The following HLF variants were observed in gnomAD, a reference collection of about 807,000 sequenced individuals.
HLF encodes the protein HLF transcription factor, PAR bZIP family member, also known as hepatic leukemia factor.
A neutral mutation model predicts 22.6 loss-of-function variants in HLF; 3 were observed. The ratio of observed to expected loss-of-function variants is 0.13; its 90% CI spans 0.06 to 0.34. The LOEUF (loss-of-function observed/expected upper bound fraction) is 0.34. Among genes scored for constraint, HLF ranks in the 10% least tolerant of loss-of-function variants. The pLI, the probability that HLF is intolerant of heterozygous loss-of-function variation, is 1.00. For synonymous variants in HLF, 151 were observed against 151.8 expected (o/e 0.99, Z 0.04); for missense variants, 299 against 389.2 (o/e 0.77, Z 1.95).
intron 1 of HLF, 106 bp from the exon 2 acceptor site, chr17:55,267,645 A>G: frequency 4.0e-6 from 3 of 752,092 alleles, no homozygotes; most frequent in South Asian, 2.0e-5. Flanking sequence ...GGACCCTGCC[A>G]TTCGTGAGAA....
intron 2 of HLF, chr17:55,271,439 C>A (rs1485732824): frequency 6.6e-6 from 1 of 152,172 alleles, no homozygotes; most frequent in African/African-American, 2.4e-5. Context: ...AAACCATGAG[C>A]TGATAAAGTA....
chr17:55,280,370 T>C (rs1246501793), intron 2 of HLF, among the ~76,000 whole-genome samples: 1 of 152,228 alleles, frequency 6.6e-6, no homozygotes, highest in East Asian at 1.9e-4. Flanking sequence ...CACCCTAGCA[T>C]GTCACAGTGT....
At chr17:55,304,672 C>T (rs1362030376) in intron 2 of HLF, among the ~76,000 whole-genome samples, 2 of 152,182 alleles carry the variant, frequency 1.3e-5, no homozygotes, top group Non-Finnish European at 2.9e-5. Context: ...CACTGGGTGA[C>T]ATCTAACAGG....
chr17:55,266,804 G>T (rs1334100588), intron 1 of HLF: 1 of 984,884 alleles, frequency 1.0e-6, no homozygotes, highest in Admixed American at 6.1e-5. Flanking sequence ...TACTAGAATT[G>T]GCAAGATCCG....
Position 55,267,779 on chromosome 17 carries a change from G to T in HLF, c.144G>T (p.Lys48Asn), listed in dbSNP as rs368847041. 1.7e-4 allele frequency: 273 copies of T among 1,591,062 alleles called. No individual in the cohort carries two copies. The highest frequency in any genetic ancestry group is 2.3e-4 in the Non-Finnish European group (265 of 1,163,320). Residue 48 changes from lysine to asparagine, a missense_variant, in exon 2 of 4, where the codon AAG becomes AAT. Physicochemically the swap from Lys to Asn is moderately conservative, Grantham distance 94. Transcript: ENST00000226067. ...TTAGTAAAGATAAAGACAAGGAAAA[G>T]AAGCTGGATGATGAGAGTAACAGCC... The part of the protein sequence containing the change: ...DAFSKDKDKE[K>N]KLDDESNSPT...
chr17:55,301,476 A>G (rs1312330496), intron 2 of HLF, among the ~76,000 whole-genome samples: 1 of 152,260 alleles, frequency 6.6e-6, no homozygotes, highest in Admixed American at 6.5e-5. Context: ...TAAAAAAATT[A>G]TCAGTATAGA....
At chr17:55,267,336 C>T (rs2080801659) in intron 1 of HLF, among the ~76,000 whole-genome samples, 1 of 152,186 alleles carries the variant, frequency 6.6e-6, no homozygotes, top group Non-Finnish European at 1.5e-5. Flanking sequence ...CCTATTGCTG[C>T]TGTGATGAAT....
intron 2 of HLF, among the ~76,000 whole-genome samples, chr17:55,284,995 G>A (rs750262584): frequency 1.6e-4 from 25 of 152,148 alleles, no homozygotes; most frequent in Non-Finnish European, 3.4e-4. Context: ...TGGAGACCAA[G>A]ACCACTGAAG....
At position 55,265,230 on chromosome 17, in the gene HLF, G is replaced by T. The variant is rs2145284778; in HGVS notation, c.-255G>T. 2.7e-6 allele frequency: 1 copy of T among 368,610 alleles called. No homozygotes were observed. The highest frequency in any genetic ancestry group is 4.8e-6 in the Non-Finnish European group (1 of 209,068). 22.8% of individuals were successfully genotyped at this position (368,610 alleles called of 1,614,324 possible). A position where few individuals can be genotyped will look rare whatever the true frequency, so the allele number is the denominator to read the frequency against. On this transcript the variant is annotated 5_prime_UTR_variant, in exon 1 of 4. Transcript: ENST00000226067. ...GGCAGGTGAGAGCATCCTGCACGTC[G>T]CCGGGGAGCCCGCGGGCACTTGGCG... is the stretch of plus-strand genomic sequence containing the variant.
At chr17:55,274,357 G>A (rs2080886015) in intron 2 of HLF, among the ~76,000 whole-genome samples, 2 of 152,200 alleles carry the variant, frequency 1.3e-5, no homozygotes, top group Admixed American at 1.3e-4. Flanking sequence ...CAGGGCCTGT[G>A]TTTGATTCTG....
intron 2 of HLF, among the ~76,000 whole-genome samples, chr17:55,289,848 C>T (rs1053765236): frequency 3.9e-5 from 6 of 152,092 alleles, no homozygotes. Flanking sequence ...TTTCTCAGCT[C>T]TTAATCCTTC....
intron 2 of HLF, among the ~76,000 whole-genome samples, chr17:55,288,659 A>G (rs957256133): frequency 6.6e-6 from 1 of 151,588 alleles, no homozygotes; most frequent in African/African-American, 2.4e-5. Flanking sequence ...GGGAGGCTGA[A>G]GTGGGAGGAT....
chr17:55,265,356 C>A lies in HLF; in HGVS notation c.-129C>A. On this transcript the variant is annotated 5_prime_UTR_variant, in exon 1 of 4. Transcript: ENST00000226067. ...AAAGATATAAGTAATTTTTTTCTTC[C>A]CTTTTCTCCACCGCCTTGAGAGCGA... is the stretch of plus-strand genomic sequence containing the variant. The A allele has an allele frequency of 1.6e-6, 1 of 611,736 alleles. No individual in the cohort carries two copies. Among genetic ancestry groups the A allele is most frequent in the Non-Finnish European group, 2.9e-6 (1 of 346,726 alleles). 37.9% of individuals were successfully genotyped at this position (611,736 alleles called of 1,614,324 possible).
chr17:55,265,623 C>A, intron 1 of HLF, 24 bp downstream of exon 1: 1 of 1,519,192 alleles, frequency 6.6e-7, no homozygotes, highest in Non-Finnish European at 9.0e-7. Flanking sequence ...CGGCCCCGCT[C>A]CGGGAAGGGA....
intron 2 of HLF, among the ~76,000 whole-genome samples, chr17:55,268,968 G>A (rs1481862102): frequency 6.6e-6 from 1 of 152,148 alleles, no homozygotes; most frequent in African/African-American, 2.4e-5. Context: ...GAAGAAAGAC[G>A]ATTTCATGTG....
At chr17:55,280,259 C>T (rs1227490003) in intron 2 of HLF, among the ~76,000 whole-genome samples, 1 of 152,174 alleles carries the variant, frequency 6.6e-6, no homozygotes, top group Non-Finnish European at 1.5e-5. Context: ...TGAGTTATTG[C>T]AGGGAAGAAA....
rs1463121922 is a variant in HLF at position 55,265,003 on chromosome 17, G to A, written c.-482G>A. The A allele has an allele frequency of 2.5e-5, 4 of 158,396 alleles. No homozygotes were observed. In the East Asian group the frequency reaches 5.2e-4, roughly 21 times the overall value. The allele number at this position is 158,396 out of a possible 1,614,324, so 9.8% of individuals were successfully genotyped here. A position where few individuals can be genotyped will look rare whatever the true frequency, so the allele number is the denominator to read the frequency against. On this transcript the variant is annotated 5_prime_UTR_variant, in exon 1 of 4. Transcript: ENST00000226067. ...GCACATGGGCGGCCGGATGCGCTGAGCCCGGCGCTGCGGGGCCGCGGAGCG... is the reference window on the plus strand; with the variant it reads ...GCACATGGGCGGCCGGATGCGCTGAACCCGGCGCTGCGGGGCCGCGGAGCG...
rs1445009901 is a variant in HLF, at chr17:55,320,603, C to T, written c.673-61C>T. ...TGGAGCCTGCCCGTGCCCTGGCTGGCACTGGGCTTTGCTGAAATCTAATAT... is the reference window on the plus strand; with the variant it reads ...TGGAGCCTGCCCGTGCCCTGGCTGGTACTGGGCTTTGCTGAAATCTAATAT... On this transcript the variant is annotated intron_variant, in intron 3 of 3. Transcript: ENST00000226067. This position sits in a 1 kb window ranked among gnomAD's most constrained non-coding sequence, Gnocchi z 4.2. The T allele has an allele frequency of 3.3e-6, 5 of 1,495,202 alleles. No individual in the cohort carries two copies. Among genetic ancestry groups the T allele is most frequent in the Non-Finnish European group, 3.7e-6 (4 of 1,084,690 alleles). The allele number at this position is 1,495,202 out of a possible 1,614,324, so 92.6% of individuals were successfully genotyped here.
intron 2 of HLF, among the ~76,000 whole-genome samples, chr17:55,305,700 G>T (rs1037172826): frequency 6.6e-6 from 1 of 152,170 alleles, no homozygotes; most frequent in Non-Finnish European, 1.5e-5. Context: ...TGCCCGCCTC[G>T]CAGAGGCTGA....
Sources: allele counts gnomAD v4.1 joint callset (sites outside exome capture counted in the v4.1 genomes callset), GRCh38; gene constraint gnomAD v4.1.1; non-coding constraint Gnocchi (gnomAD v3.1); transcripts MANE v1.5; gene names NCBI Gene and HGNC (gene_info 2026-07-23, HGNC 2026-07-21).